The following GRIA2 variants were observed in gnomAD, a reference collection of about 807,000 sequenced individuals.
The protein encoded by GRIA2 is glutamate receptor 2.
In GRIA2, 14 loss-of-function variants were observed where a neutral mutation model predicts 97.3. The ratio of observed to expected loss-of-function variants is 0.14; its 90% CI spans 0.10 to 0.23. GRIA2 has a LOEUF of 0.23. Among genes scored for constraint, GRIA2 ranks in the 10% least tolerant of loss-of-function variants. GRIA2 has a pLI of 1.00. For missense variants in GRIA2, 558 were observed against 1,069.8 expected, an observed-to-expected ratio of 0.52 and a Z score of 6.67; for synonymous variants, 412 against 387.8, an observed-to-expected ratio of 1.06 and a Z score of -0.73.
At chr4:157,242,283 A>G (rs1366876444) in intron 2 of GRIA2, among the ~76,000 whole-genome samples, 1 of 152,108 alleles carries the variant, frequency 6.6e-6, no homozygotes, top group Non-Finnish European at 1.5e-5. Flanking sequence ...TTCAGTGGAA[A>G]AAAACTATTA....
chr4:157,234,977 T>A (rs1730179399), intron 2 of GRIA2, among the ~76,000 whole-genome samples: 1 of 152,108 alleles, frequency 6.6e-6, no homozygotes, highest in Admixed American at 6.6e-5. Flanking sequence ...TTCACTACCT[T>A]ATTCTGAATT....
At chr4:157,292,340 C>T (rs1019922907) in intron 2 of GRIA2, among the ~76,000 whole-genome samples, 6 of 152,030 alleles carry the variant, frequency 3.9e-5, no homozygotes, top group South Asian at 2.1e-4. Flanking sequence ...AATTGAACAT[C>T]TATGTGGAAA....
chr4:157,287,156 T>C (rs1022154165), intron 2 of GRIA2, among the ~76,000 whole-genome samples: 8 of 151,688 alleles, frequency 5.3e-5, no homozygotes, highest in Non-Finnish European at 1.2e-4. Context: ...TTTACCAGGA[T>C]GATCTCATAT....
At chr4:157,333,812 A>G (rs992330836) in intron 8 of GRIA2, among the ~76,000 whole-genome samples, 198 bp from the exon 9 acceptor site, 13 of 152,086 alleles carry the variant, frequency 8.5e-5, no homozygotes, top group African/African-American at 3.1e-4. Context: ...ATATGAAGAG[A>G]CAAGTCATTT....
chr4:157,292,521 G>A (rs185463522), intron 2 of GRIA2, among the ~76,000 whole-genome samples: 41 of 152,044 alleles, frequency 2.7e-4, no homozygotes, highest in Middle Eastern at 3.4e-3. Flanking sequence ...ATGAAGGATC[G>A]AGAATTTGGT....
intron 12 of GRIA2, among the ~76,000 whole-genome samples, chr4:157,350,434 C>T (rs959015774): frequency 1.2e-4 from 18 of 151,878 alleles, no homozygotes; most frequent in African/African-American, 3.4e-4. Flanking sequence ...TTTGGGGGAA[C>T]AGGTGGTGTT....
At chr4:157,349,283 G>A (rs983273953) in intron 12 of GRIA2, among the ~76,000 whole-genome samples, 7 of 152,010 alleles carry the variant, frequency 4.6e-5, no homozygotes, top group Non-Finnish European at 8.8e-5. Context: ...GATTTTCCTG[G>A]GTACTCTTTG....
intron 11 of GRIA2, among the ~76,000 whole-genome samples, chr4:157,338,008 G>GTATATATATATATA (rs70958818): frequency 5.0e-5 from 4 of 79,352 alleles, no homozygotes; most frequent in African/African-American, 9.9e-5. Flanking sequence ...ATATATATGT[G>GTATATATATATATA]TATATATATA....
chr4:157,243,298 A>T (rs1391086232), intron 2 of GRIA2, among the ~76,000 whole-genome samples: 1 of 152,116 alleles, frequency 6.6e-6, no homozygotes, highest in East Asian at 1.9e-4. Flanking sequence ...TAGGCAAAAC[A>T]GATAGCTTTT....
chr4:157,227,885 A>G (rs1204440011), intron 2 of GRIA2, among the ~76,000 whole-genome samples: 1 of 152,180 alleles, frequency 6.6e-6, no homozygotes, highest in African/African-American at 2.4e-5. Flanking sequence ...ATCACACATG[A>G]TTTGAAAATG....
chr4:157,314,235 C>T (rs992425870), intron 4 of GRIA2, among the ~76,000 whole-genome samples: 5 of 152,090 alleles, frequency 3.3e-5, no homozygotes, highest in African/African-American at 1.2e-4. Context: ...CATTTCTTGG[C>T]TCTTCTAGCT....
At chr4:157,319,698 C>G (rs985040944) in intron 5 of GRIA2, among the ~76,000 whole-genome samples, 1 of 152,038 alleles carries the variant, frequency 6.6e-6, no homozygotes, top group African/African-American at 2.4e-5. Flanking sequence ...TTTTCTTCCC[C>G]CTGTCAGGTT....
chr4:157,275,494 G>A (rs1021570476), intron 2 of GRIA2, among the ~76,000 whole-genome samples: 12 of 152,046 alleles, frequency 7.9e-5, no homozygotes, highest in African/African-American at 9.7e-5. Context: ...GAGTTTTTAC[G>A]GTTTTAGGTC....
intron 3 of GRIA2, among the ~76,000 whole-genome samples, chr4:157,305,633 C>T (rs1331568540): frequency 2.6e-5 from 4 of 152,064 alleles, no homozygotes; most frequent in African/African-American, 9.7e-5. Context: ...GCACCAAACT[C>T]TTTCACTTCA....
chr4:157,327,017 G>A (rs551318411), intron 6 of GRIA2, among the ~76,000 whole-genome samples: 1 of 152,110 alleles, frequency 6.6e-6, no homozygotes. Flanking sequence ...GGGGATGGAG[G>A]GAAATAGATG....
At chr4:157,341,032 A>C in intron 11 of GRIA2, among the ~76,000 whole-genome samples, 1 of 152,140 alleles carries the variant, frequency 6.6e-6, no homozygotes, top group South Asian at 2.1e-4. Context: ...ACAATTATGA[A>C]AGTATTCCAG....
intron 2 of GRIA2, among the ~76,000 whole-genome samples, chr4:157,265,430 T>C (rs1311244005): frequency 6.6e-6 from 1 of 152,140 alleles, no homozygotes; most frequent in Non-Finnish European, 1.5e-5. Context: ...TTGCAGGCTG[T>C]AAGCTGGAAG....
chr4:157,227,689 A>G (rs1729809501), intron 2 of GRIA2, among the ~76,000 whole-genome samples: 2 of 152,192 alleles, frequency 1.3e-5, no homozygotes. Context: ...TTCTTTTTAC[A>G]GTAGATTGTA....
chr4:157,341,547 A>G (rs989419145), intron 12 of GRIA2, 85 bp downstream of exon 12: 15 of 903,722 alleles, frequency 1.7e-5, no homozygotes, highest in African/African-American at 3.3e-5. Context: ...AGTCAATTCC[A>G]AGGTACTATG....
Sources: gnomAD v4.1 joint callset for allele counts (sites outside exome capture counted in the v4.1 genomes callset) on GRCh38, gnomAD v4.1.1 for gene constraint, MANE v1.5 for transcripts, NCBI Gene and HGNC (gene_info 2026-07-23, HGNC 2026-07-21) for gene names.